STAT4: variants seen among roughly 807,000 people sequenced by gnomAD.
The protein encoded by STAT4 is signal transducer and activator of transcription 4.
STAT4 carries 42 observed loss-of-function variants against 110.5 expected under a neutral mutation model. The observed-to-expected ratio is 0.38, with a 90% CI of 0.30 to 0.49. The LOEUF is 0.49. STAT4 is among the 20% of genes least tolerant of loss of function. The pLI is 0.95. For missense variants in STAT4, 632 were observed against 887.9 expected (o/e 0.71, Z 3.66); for synonymous variants, 284 against 302.2 (o/e 0.94, Z 0.63).
intron 13 of STAT4, among the ~76,000 whole-genome samples, chr2:191,055,365 ATTTTTTTTTTTTTTT>A (rs371295889): frequency 1.0e-5 from 1 of 96,956 alleles, no homozygotes; most frequent in African/African-American, 4.1e-5. Context: ...AGCCTGGCTA[ATTTTTTTTTTTTTTT>A]TTTTTTTTTT....
At position 191,082,278 on chromosome 2, in the gene STAT4, A is replaced by C. The variant is rs1697505151; in HGVS notation, c.274-5953T>G. Among the ~76,000 whole-genome samples the C allele has an allele frequency of 6.6e-6, 1 of 152,214 alleles. No homozygotes were observed. Among genetic ancestry groups the C allele is most frequent in the African/African-American group, 2.4e-5 (1 of 41,456 alleles). ...CTAGTGACAAATGGTTGCTTCACAA[A>C]TATCAAATTTGTACCCTGCTGATTT... On this transcript the variant is annotated intron_variant, in intron 3 of 23. Transcript: ENST00000392320. This position sits in a 1 kb window ranked among gnomAD's most constrained non-coding sequence, Gnocchi z 4.7.
Position 191,029,939 on chromosome 2 carries a change from TAAAC to T in STAT4, c.2221-77_2221-74del. On this transcript the variant is annotated intron_variant, in intron 23 of 23. Coordinates refer to ENST00000392320, the MANE Select transcript of STAT4 (RefSeq NM_003151.4). This position sits in a 1 kb window ranked among gnomAD's most constrained non-coding sequence, Gnocchi z 4.5. ...AATCAATCACTATTTCTTGGGCAAA[TAAAC>T]GTCCTCTTTTCTACGAATTACTCCA... The T allele has an allele frequency of 8.5e-7, 1 of 1,170,682 alleles. No individual in the cohort carries two copies. Among genetic ancestry groups the T allele is most frequent in the Non-Finnish European group, 1.2e-6 (1 of 811,970 alleles). 72.5% of individuals were successfully genotyped at this position (1,170,682 alleles called of 1,614,324 possible). A position where few individuals can be genotyped will look rare whatever the true frequency, so the allele number is the denominator to read the frequency against.
Position 191,029,906 on chromosome 2 carries a change from G to A in STAT4, c.2221-40C>T. 1.3e-6 allele frequency: 2 copies of A among 1,485,664 alleles called. No individual in the cohort carries two copies. The highest frequency in any genetic ancestry group is 1.4e-5 in the African/African-American group (1 of 71,112). 92.0% of individuals were successfully genotyped at this position (1,485,664 alleles called of 1,614,324 possible). ...GAAAATAATCTTTGAGGAAACTACT[G>A]GTTTTCAAATCAATCACTATTTCTT... On this transcript the variant is annotated intron_variant, in intron 23 of 23. Transcript: ENST00000392320. This position sits in a 1 kb window ranked among gnomAD's most constrained non-coding sequence, Gnocchi z 4.5.
At chr2:191,124,215 G>A (rs867126684) in intron 3 of STAT4, among the ~76,000 whole-genome samples, 4 of 152,144 alleles carry the variant, frequency 2.6e-5, no homozygotes, top group Non-Finnish European at 5.9e-5. Context: ...CCAGCACCTT[G>A]GGACGCGGAG....
chr2:191,071,839 G>T (rs1454133607), intron 5 of STAT4, among the ~76,000 whole-genome samples: 1 of 152,160 alleles, frequency 6.6e-6, no homozygotes, highest in African/African-American at 2.4e-5. Flanking sequence ...TAGCAGAAAG[G>T]ACATACAAGA....
rs1327599664 is a variant in STAT4, at chr2:191,110,193, T to C, written c.274-33868A>G. ...AACCATTCCTCAGTCTGCACAAACA[T>C]AGATTTGTGTTGATGTCAGTGCTAA... On this transcript the variant is annotated intron_variant, in intron 3 of 23. Transcript: ENST00000392320. The surrounding 1 kb of genome is among the most constrained non-coding windows in gnomAD (Gnocchi z 4.5). Among the ~76,000 whole-genome samples, 1 of 152,090 alleles carries C rather than the reference T, an allele frequency of 6.6e-6. No homozygotes were observed. Among genetic ancestry groups the C allele is most frequent in the Non-Finnish European group, 1.5e-5 (1 of 68,010 alleles).
chr2:191,077,489 C>A lies in STAT4; in HGVS notation c.274-1164G>T, dbSNP rs1697348762. On this transcript the variant is annotated intron_variant, in intron 3 of 23. Transcript: ENST00000392320. The surrounding 1 kb of genome is among the most constrained non-coding windows in gnomAD (Gnocchi z 4.1). ...ATTTATTTAGTTTCCCTCAGCCCTC[C>A]TCCCTGAAGCTGGTGTGAATATATA... 6.6e-6 allele frequency among the ~76,000 whole-genome samples: 1 copy of A among 152,116 alleles called. No individual in the cohort carries two copies.
chr2:191,141,347 T>A (rs2125445472), intron 3 of STAT4, among the ~76,000 whole-genome samples: 1 of 150,906 alleles, frequency 6.6e-6, no homozygotes, highest in East Asian at 1.9e-4. Context: ...TAAGATATCA[T>A]CTTACCCCCG....
intron 14 of STAT4, among the ~76,000 whole-genome samples, chr2:191,045,283 T>C (rs1696317714): frequency 6.6e-6 from 1 of 152,190 alleles, no homozygotes; most frequent in Non-Finnish European, 1.5e-5. Flanking sequence ...GGACCAGCAG[T>C]ATTGCCATCG....
chr2:191,108,119 C>T (rs1698329692), intron 3 of STAT4, among the ~76,000 whole-genome samples: 1 of 151,900 alleles, frequency 6.6e-6, no homozygotes, highest in East Asian at 1.9e-4. Context: ...GGCGAAACCC[C>T]ATCTCTACTA....
chr2:191,062,996 G>T lies in STAT4; in HGVS notation c.783-76C>A. The stretch of plus-strand genomic sequence containing the variant: ...AAAAGCATTGTAACAATGGGTCATA[G>T]TTAATAAACATTAAATTATTAAGTA... On this transcript the variant is annotated intron_variant, in intron 8 of 23. Coordinates refer to ENST00000392320, the MANE Select transcript of STAT4 (RefSeq NM_003151.4). The surrounding 1 kb of genome is among the most constrained non-coding windows in gnomAD (Gnocchi z 4.9). 8.7e-7 allele frequency: 1 copy of T among 1,149,468 alleles called. No individual in the cohort carries two copies. The highest frequency in any genetic ancestry group is 1.2e-6 in the Non-Finnish European group (1 of 843,578). The allele number at this position is 1,149,468 out of a possible 1,614,324, so 71.2% of individuals were successfully genotyped here.
At chr2:191,047,004 C>T (rs1346574951) in intron 14 of STAT4, among the ~76,000 whole-genome samples, 2 of 152,106 alleles carry the variant, frequency 1.3e-5, no homozygotes, top group East Asian at 3.9e-4. Flanking sequence ...CACTCCCTGA[C>T]CTCTGGGAAG....
At chr2:191,034,884 A>G (rs750358979) in intron 17 of STAT4, among the ~76,000 whole-genome samples, 10 of 152,222 alleles carry the variant, frequency 6.6e-5, no homozygotes, top group Non-Finnish European at 1.5e-4. Flanking sequence ...GTCAGAGGAG[A>G]TGAAGGAGGC....
intron 3 of STAT4, among the ~76,000 whole-genome samples, chr2:191,128,095 A>ACAACACAGAATTCT (rs6147088): frequency 2.0e-5 from 3 of 152,002 alleles, no homozygotes; most frequent in South Asian, 2.1e-4. Flanking sequence ...CTTAAACAGC[A>ACAACACAGAATTCT]CTAACCTTTC....
At chr2:191,081,101 C>A (rs909127991) in intron 3 of STAT4, among the ~76,000 whole-genome samples, 1 of 152,158 alleles carries the variant, frequency 6.6e-6, no homozygotes, top group Non-Finnish European at 1.5e-5. Context: ...GTTTGGTTTT[C>A]TGTTCTTGTG....
In STAT4 at chr2:191,107,794, G is replaced by A. The variant is rs1018070205; in HGVS notation, c.274-31469C>T. ...ATGTCCTAACGTATGGTCACAGGAAGAGAATCTCGATGATAGTTTTAGTTT... is the reference window on the plus strand; with the variant it reads ...ATGTCCTAACGTATGGTCACAGGAAAAGAATCTCGATGATAGTTTTAGTTT... On this transcript the variant is annotated intron_variant, in intron 3 of 23. Coordinates refer to ENST00000392320, the MANE Select transcript of STAT4 (RefSeq NM_003151.4). The surrounding 1 kb of genome is among the most constrained non-coding windows in gnomAD (Gnocchi z 4.2). Among the ~76,000 whole-genome samples, 1 of 152,218 alleles carries A rather than the reference G, an allele frequency of 6.6e-6. No homozygotes were observed. Among genetic ancestry groups the A allele is most frequent in the Admixed American group, 6.5e-5 (1 of 15,288 alleles).
chr2:191,109,313 T>G (rs1277173061), intron 3 of STAT4, among the ~76,000 whole-genome samples: 1 of 152,146 alleles, frequency 6.6e-6, no homozygotes, highest in African/African-American at 2.4e-5. Flanking sequence ...TTTTTGTTTT[T>G]TTTTTAAAGA....
At chr2:191,097,313 T>A (rs894243045) in intron 3 of STAT4, among the ~76,000 whole-genome samples, 3 of 152,106 alleles carry the variant, frequency 2.0e-5, no homozygotes, top group African/African-American at 7.2e-5. Flanking sequence ...CATTGCCAAG[T>A]CAATCCTAAA....
chr2:191,139,214 C>A (rs1699257485), intron 3 of STAT4, among the ~76,000 whole-genome samples: 1 of 151,790 alleles, frequency 6.6e-6, no homozygotes, highest in African/African-American at 2.4e-5. Flanking sequence ...ACTTTCCCCA[C>A]TTCTAATCAA....
Sources: gnomAD v4.1 joint callset for allele counts (sites outside exome capture counted in the v4.1 genomes callset) on GRCh38, gnomAD v4.1.1 for gene constraint, Gnocchi (gnomAD v3.1) non-coding constraint, MANE v1.5 for transcripts, NCBI Gene and HGNC (gene_info 2026-07-23, HGNC 2026-07-21) for gene names.